Variants in RBFOX1 observed in about 807,000 individuals in gnomAD.
The protein encoded by RBFOX1 is RNA binding protein fox-1 homolog 1.
In RBFOX1, 8 loss-of-function variants were observed where a neutral mutation model predicts 57.7. The ratio of observed to expected loss-of-function variants is 0.14; its 90% CI spans 0.08 to 0.25. The LOEUF (loss-of-function observed/expected upper bound fraction) is 0.25. Ranked by LOEUF, RBFOX1 falls within the 10% of genes least tolerant of loss-of-function variation. RBFOX1 has a pLI of 1.00. For synonymous variants in RBFOX1, 326 were observed against 222.4 expected, an observed-to-expected ratio of 1.47 and a Z score of -4.15; for missense variants, 611 against 548.5, an observed-to-expected ratio of 1.11 and a Z score of -1.14.
At chr16:6,389,687 T>A (rs1303319521) in intron 2 of RBFOX1, among the ~76,000 whole-genome samples, 1 of 152,216 alleles carries the variant, frequency 6.6e-6, no homozygotes, top group Non-Finnish European at 1.5e-5. Context: ...TTCTCAGTGC[T>A]AATCAATGAC....
At chr16:6,691,917 A>C (rs563013933) in intron 3 of RBFOX1, among the ~76,000 whole-genome samples, 7 of 151,972 alleles carry the variant, frequency 4.6e-5, no homozygotes, top group African/African-American at 1.7e-4. Flanking sequence ...GGTTTTGAAT[A>C]TGGAGGAAGG....
At chr16:6,510,749 C>T (rs1598541193) in intron 2 of RBFOX1, among the ~76,000 whole-genome samples, 1 of 151,594 alleles carries the variant, frequency 6.6e-6, no homozygotes, top group East Asian at 1.9e-4. Flanking sequence ...GCTTAATTGT[C>T]CCAAACTATT....
At chr16:6,756,950 G>C (rs1451013563) in intron 3 of RBFOX1, among the ~76,000 whole-genome samples, 2 of 151,910 alleles carry the variant, frequency 1.3e-5, no homozygotes, top group African/African-American at 4.8e-5. Flanking sequence ...ACTCCAGCCT[G>C]GGCACCAAGG....
At chr16:5,747,398 T>TA in intron 3 of RBFOX1, among the ~76,000 whole-genome samples, 1 of 152,210 alleles carries the variant, frequency 6.6e-6, no homozygotes, top group Non-Finnish European at 1.5e-5. Context: ...GCTGGCCTCA[T>TA]AAAATGAGTT....
At chr16:6,883,511 C>T (rs1316148341) in intron 3 of RBFOX1, among the ~76,000 whole-genome samples, 1 of 152,214 alleles carries the variant, frequency 6.6e-6, no homozygotes, top group Non-Finnish European at 1.5e-5. Flanking sequence ...TTACTTATAA[C>T]TTGTTGTGTA....
chr16:5,456,083 A>T (rs1457848895), intron 1 of RBFOX1, among the ~76,000 whole-genome samples: 1 of 152,162 alleles, frequency 6.6e-6, no homozygotes, highest in Non-Finnish European at 1.5e-5. Flanking sequence ...AAGACAACTA[A>T]TGATAATATT....
chr16:7,099,677 A>G (rs959128480), intron 4 of RBFOX1, among the ~76,000 whole-genome samples: 6 of 152,116 alleles, frequency 3.9e-5, no homozygotes, highest in African/African-American at 1.2e-4. Flanking sequence ...ACATCAATCA[A>G]TACATGTAAG....
At chr16:6,997,130 C>G (rs1007130237) in intron 3 of RBFOX1, among the ~76,000 whole-genome samples, 11 of 152,082 alleles carry the variant, frequency 7.2e-5, no homozygotes, top group Non-Finnish European at 2.9e-5. Context: ...AAACTTACAA[C>G]TCTCAATAGT....
intron 2 of RBFOX1, among the ~76,000 whole-genome samples, chr16:6,623,053 C>T (rs577862414): frequency 6.6e-6 from 1 of 152,312 alleles, no homozygotes; most frequent in African/African-American, 2.4e-5. Flanking sequence ...CTTTGTCAGT[C>T]CGCCATCGAC....
intron 5 of RBFOX1, among the ~76,000 whole-genome samples, chr16:7,550,628 A>G (rs1012696970): frequency 1.3e-5 from 2 of 152,150 alleles, no homozygotes; most frequent in African/African-American, 4.8e-5. Flanking sequence ...TTCGGACCTC[A>G]TTGAAATAGG....
intron 2 of RBFOX1, among the ~76,000 whole-genome samples, chr16:5,492,833 G>C (rs775088400): frequency 1.3e-5 from 2 of 152,164 alleles, no homozygotes; most frequent in Admixed American, 6.5e-5. Flanking sequence ...TCAATAGTGC[G>C]GGGACTTGGT....
chr16:7,385,666 T>C (rs2097862759), intron 4 of RBFOX1, among the ~76,000 whole-genome samples: 1 of 152,194 alleles, frequency 6.6e-6, no homozygotes, highest in South Asian at 2.1e-4. Context: ...TTTTGATTTC[T>C]ACACAGGGAT....
At chr16:7,692,421 C>T (rs1055537770) in intron 14 of RBFOX1, among the ~76,000 whole-genome samples, 19 of 152,028 alleles carry the variant, frequency 1.2e-4, no homozygotes, top group Non-Finnish European at 2.8e-4. Flanking sequence ...AGCACTGAAA[C>T]ATTTGAACAA....
chr16:5,971,947 C>A (rs879904008), intron 4 of RBFOX1, among the ~76,000 whole-genome samples: 2 of 152,218 alleles, frequency 1.3e-5, no homozygotes, highest in Non-Finnish European at 2.9e-5. Context: ...AGCAGAAAAA[C>A]TGAGCTCCCC....
intron 3 of RBFOX1, among the ~76,000 whole-genome samples, chr16:6,931,360 C>CACAT (rs1555640429): frequency 4.1e-5 from 6 of 146,578 alleles, no homozygotes; most frequent in African/African-American, 1.3e-4. Flanking sequence ...CACACACACA[C>CACAT]ACATACATAC....
chr16:6,985,021 C>T (rs2089923646), intron 3 of RBFOX1, among the ~76,000 whole-genome samples: 1 of 148,702 alleles, frequency 6.7e-6, no homozygotes, highest in Non-Finnish European at 1.5e-5. Flanking sequence ...GGGGAAATAT[C>T]CTGGCTTTGC....
At chr16:7,193,886 A>G (rs1420950105) in intron 4 of RBFOX1, among the ~76,000 whole-genome samples, 1 of 152,214 alleles carries the variant, frequency 6.6e-6, no homozygotes, top group African/African-American at 2.4e-5. Flanking sequence ...ATCTTCTTGG[A>G]GAGTTGACTG....
chr16:5,923,360 T>C (rs1176092944), intron 4 of RBFOX1, among the ~76,000 whole-genome samples: 1 of 152,016 alleles, frequency 6.6e-6, no homozygotes, highest in African/African-American at 2.4e-5. Flanking sequence ...GGGGCCTCAC[T>C]GAGTCAGAGG....
rs565037299 is a variant in RBFOX1 at position 6,326,444 on chromosome 16, T to C, written c.-64+9387T>C. 3.9e-5 allele frequency among the ~76,000 whole-genome samples: 6 copies of C among 152,298 alleles called. No individual in the cohort carries two copies. The South Asian group carries it at 1.2e-3, about 32-fold the overall frequency. On this transcript the variant is annotated intron_variant, in intron 2 of 15. Transcript: ENST00000550418. ...AGGATGTGATTAGTTTGACCAGATG[T>C]GAGAGAGGACCAAGGAGTATCCTAG...
Sources: allele counts gnomAD v4.1 joint callset (sites outside exome capture counted in the v4.1 genomes callset), GRCh38; gene constraint gnomAD v4.1.1; transcripts MANE v1.5; gene names NCBI Gene and HGNC (gene_info 2026-07-23, HGNC 2026-07-21).